CCM2: variants seen among roughly 807,000 people sequenced by gnomAD.
CCM2 encodes the protein CCM2 scaffold protein.
In CCM2, 25 loss-of-function variants were observed where a neutral mutation model predicts 44.9. The ratio of observed to expected loss-of-function variants is 0.56; its 90% confidence interval spans 0.41 to 0.78. The LOEUF (loss-of-function observed/expected upper bound fraction) is 0.78. Among genes scored for constraint, CCM2 ranks in the 30% least tolerant of loss-of-function variants. The pLI is 0.00. For synonymous variants in CCM2, 219 were observed against 241.1 expected, an observed-to-expected ratio of 0.91 and a Z score of 0.85; for missense variants, 481 against 580.6, an observed-to-expected ratio of 0.83 and a Z score of 1.76.
intron 1 of CCM2, among the ~76,000 whole-genome samples, chr7:45,037,528 C>T (rs1216166311): frequency 1.3e-5 from 2 of 151,194 alleles, no homozygotes; most frequent in Non-Finnish European, 2.9e-5. Flanking sequence ...AGCAATTCTC[C>T]TGCCTTAGCC....
chr7:45,060,294 C>A lies in CCM2; in HGVS notation c.205-3624C>A, dbSNP rs572828925. On this transcript the variant is annotated intron_variant, in intron 2 of 9. Transcript: ENST00000258781. ...AGAGAAATCCAGTGTCATTCTTGTTCTTGCCATTTTATAGGTAGGATGTTT... is the reference window on the plus strand; with the variant it reads ...AGAGAAATCCAGTGTCATTCTTGTTATTGCCATTTTATAGGTAGGATGTTT... 5.9e-5 allele frequency among the ~76,000 whole-genome samples: 9 copies of A among 152,302 alleles called. No homozygotes were observed. The South Asian group carries it at 1.7e-3, about 28-fold the overall frequency.
intron 1 of CCM2, among the ~76,000 whole-genome samples, chr7:45,037,410 TC>T (rs1797275112): frequency 8.2e-6 from 1 of 122,536 alleles, no homozygotes; most frequent in South Asian, 2.6e-4. Flanking sequence ...TCAGGGCTTC[TC>T]CCCCTACTTT....
chr7:45,014,828 G>A (rs780612792), intron 1 of CCM2, among the ~76,000 whole-genome samples: 1 of 148,160 alleles, frequency 6.7e-6, no homozygotes, highest in Non-Finnish European at 1.5e-5. Flanking sequence ...CGTCATGTTG[G>A]CCAGGCTGAC....
intron 4 of CCM2, 162 bp from the exon 5 acceptor site, chr7:45,068,281 G>T (rs569153574): frequency 2.4e-6 from 2 of 849,034 alleles, no homozygotes; most frequent in Non-Finnish European, 3.9e-6. Context: ...TTAGAGAAGC[G>T]AAGTGTGTCT....
intron 2 of CCM2, among the ~76,000 whole-genome samples, chr7:45,057,181 G>A (rs990597840): frequency 3.6e-5 from 5 of 138,506 alleles, no homozygotes; most frequent in Non-Finnish European, 6.3e-5. Context: ...TTTTTTTTTT[G>A]AGATGGAGTC....
chr7:45,007,845 ATGT>A (rs907320800), intron 1 of CCM2, among the ~76,000 whole-genome samples: 1 of 152,086 alleles, frequency 6.6e-6, no homozygotes, highest in Non-Finnish European at 1.5e-5. Flanking sequence ...ACCATTTCAC[ATGT>A]TGTTTTTGTA....
At chr7:45,030,132 G>C (rs1349575441) in intron 1 of CCM2, among the ~76,000 whole-genome samples, 1 of 152,168 alleles carries the variant, frequency 6.6e-6, no homozygotes, top group Non-Finnish European at 1.5e-5. Flanking sequence ...GGCTGGGATA[G>C]ACTCCACACC....
At chr7:44,999,749 C>T (rs1441418801), upstream of CCM2, 3 of 450,046 alleles carry the variant, frequency 6.7e-6, no homozygotes, top group South Asian at 4.7e-5. Context: ...GCGAGGCAGG[C>T]TGGGAAGTCG....
chr7:45,001,643 C>T (rs1795635561), intron 1 of CCM2, among the ~76,000 whole-genome samples: 1 of 152,144 alleles, frequency 6.6e-6, no homozygotes, highest in Non-Finnish European at 1.5e-5. Context: ...TTGTGCACCG[C>T]TTACAGGAGT....
rs1224565127 is a variant in CCM2, at chr7:45,076,193, C to T, written c.*136C>T. 8.2e-7 allele frequency: 1 copy of T among 1,226,516 alleles called. No homozygotes were observed. The highest frequency in any genetic ancestry group is 1.2e-6 in the Non-Finnish European group (1 of 865,104). The allele number at this position is 1,226,516 out of a possible 1,614,324, so 76.0% of individuals were successfully genotyped here. On this transcript the variant is annotated 3_prime_UTR_variant, in exon 10 of 10. Transcript: ENST00000258781. ...GCCCGGTGCAGATGGCCCCGGGCGGCCCAGGTCCTCTACTGTGAAGGAGCA... is the reference window on the plus strand; with the variant it reads ...GCCCGGTGCAGATGGCCCCGGGCGGTCCAGGTCCTCTACTGTGAAGGAGCA...
intron 1 of CCM2, among the ~76,000 whole-genome samples, chr7:45,035,289 T>C (rs1797162846): frequency 6.6e-6 from 1 of 152,192 alleles, no homozygotes; most frequent in African/African-American, 2.4e-5. Context: ...TCAAAAAATA[T>C]TTAAAAATTC....
intron 2 of CCM2, among the ~76,000 whole-genome samples, chr7:45,051,141 A>T (rs950509622): frequency 2.6e-5 from 4 of 152,144 alleles, no homozygotes; most frequent in African/African-American, 9.7e-5. Flanking sequence ...AGTTCATTCT[A>T]TCCAGACTCA....
intron 1 of CCM2, among the ~76,000 whole-genome samples, chr7:45,005,332 T>C (rs541956494): frequency 1.3e-5 from 2 of 152,362 alleles, no homozygotes; most frequent in Admixed American, 1.3e-4. Context: ...GATTCTGTCA[T>C]AATTTAGATT....
chr7:45,039,702 A>C (rs1023102602), intron 2 of CCM2, among the ~76,000 whole-genome samples: 4 of 152,208 alleles, frequency 2.6e-5, no homozygotes, highest in Non-Finnish European at 5.9e-5. Flanking sequence ...CTTTTAAATA[A>C]AAAGGTGAGA....
At chr7:45,020,408 A>G (rs1005747206) in intron 1 of CCM2, among the ~76,000 whole-genome samples, 4 of 151,990 alleles carry the variant, frequency 2.6e-5, no homozygotes, top group African/African-American at 9.7e-5. Context: ...TTCATTATAG[A>G]TATATAGTTT....
At chr7:45,042,940 C>T (rs966250055) in intron 2 of CCM2, among the ~76,000 whole-genome samples, 2 of 150,152 alleles carry the variant, frequency 1.3e-5, no homozygotes, top group Non-Finnish European at 3.0e-5. Context: ...TCTCTCTTCT[C>T]TTCTCTGCTT....
At chr7:45,026,078 C>T (rs941248730) in intron 1 of CCM2, among the ~76,000 whole-genome samples, 2 of 152,162 alleles carry the variant, frequency 1.3e-5, no homozygotes, top group East Asian at 1.9e-4. Flanking sequence ...CCTTCCCCTC[C>T]CTGCAGTAGC....
chr7:45,072,513 C>A, intron 6 of CCM2: 2 of 643,068 alleles, frequency 3.1e-6, no homozygotes, highest in Admixed American at 2.2e-5. Context: ...TTGCCAGGAT[C>A]CCCAGGAGGG....
intron 2 of CCM2, among the ~76,000 whole-genome samples, chr7:45,056,423 G>C (rs1798264301): frequency 6.6e-6 from 1 of 152,176 alleles, no homozygotes; most frequent in Non-Finnish European, 1.5e-5. Context: ...GGGAGGCTGA[G>C]GCAGGAGGAT....
Sources: allele counts gnomAD v4.1 joint callset (sites outside exome capture counted in the v4.1 genomes callset), GRCh38; gene constraint gnomAD v4.1.1; transcripts MANE v1.5; gene names NCBI Gene and HGNC (gene_info 2026-07-23, HGNC 2026-07-21).